Variants in PSMB7 observed in about 807,000 individuals in gnomAD.
PSMB7 encodes proteasome 20S subunit beta 7.
A neutral mutation model predicts 28.1 loss-of-function variants in PSMB7; 5 were observed. The ratio of observed to expected loss-of-function variants is 0.18; its 90% CI spans 0.09 to 0.37. The LOEUF is 0.37. PSMB7 is among the 10% of genes least tolerant of loss of function. PSMB7 has a pLI of 1.00. For missense variants in PSMB7, 275 were observed against 346.2 expected, an observed-to-expected ratio of 0.79 and a Z score of 1.63; for synonymous variants, 122 against 123.7, an observed-to-expected ratio of 0.99 and a Z score of 0.09.
intron 7 of PSMB7, among the ~76,000 whole-genome samples, chr9:124,353,944 T>G (rs1178620309): frequency 6.6e-6 from 1 of 151,922 alleles, no homozygotes; most frequent in African/African-American, 2.4e-5. Context: ...CACCTGGCCC[T>G]TGGTGGACAC....
intron 6 of PSMB7, among the ~76,000 whole-genome samples, chr9:124,377,877 A>C (rs1830629187): frequency 6.6e-6 from 1 of 152,234 alleles, no homozygotes; most frequent in South Asian, 2.1e-4. Flanking sequence ...GCATTGACTA[A>C]GCATGTGCTA....
At chr9:124,382,697 T>G (rs1830680647) in intron 6 of PSMB7, among the ~76,000 whole-genome samples, 1 of 152,228 alleles carries the variant, frequency 6.6e-6, no homozygotes, top group South Asian at 2.1e-4. Flanking sequence ...ACAACTGATC[T>G]AAGAAACATT....
intron 6 of PSMB7, among the ~76,000 whole-genome samples, chr9:124,363,897 C>T (rs779595784): frequency 6.6e-5 from 10 of 152,116 alleles, no homozygotes; most frequent in Admixed American, 4.6e-4. Flanking sequence ...AGCGGCTGCA[C>T]GGCCACAATG....
intron 7 of PSMB7, among the ~76,000 whole-genome samples, chr9:124,355,661 A>G (rs1379350899): frequency 6.6e-6 from 1 of 152,188 alleles, no homozygotes; most frequent in Non-Finnish European, 1.5e-5. Flanking sequence ...TTCCTGCTAA[A>G]GGCCCGAGGG....
chr9:124,396,960 G>C (rs1830849500), intron 5 of PSMB7: 1 of 375,248 alleles, frequency 2.7e-6, no homozygotes, highest in Admixed American at 3.6e-5. Context: ...AAAAAATCTT[G>C]CCTAGCTTTT....
intron 6 of PSMB7, among the ~76,000 whole-genome samples, chr9:124,376,854 C>T (rs1419478829): frequency 6.6e-6 from 1 of 152,168 alleles, no homozygotes; most frequent in East Asian, 1.9e-4. Context: ...GTTATTTGAC[C>T]TCCCTACGGC....
At chr9:124,395,322 CAA>C (rs1564683296) in intron 5 of PSMB7, among the ~76,000 whole-genome samples, 1 of 150,448 alleles carries the variant, frequency 6.6e-6, no homozygotes, top group South Asian at 2.1e-4. Context: ...CCGTCTCTAC[CAA>C]AAAAAGAAAG....
intron 5 of PSMB7, among the ~76,000 whole-genome samples, chr9:124,396,360 C>T (rs1830843708): frequency 6.6e-6 from 1 of 152,078 alleles, no homozygotes; most frequent in Non-Finnish European, 1.5e-5. Flanking sequence ...TGTACTTTAG[C>T]GTAACGATGG....
intron 4 of PSMB7, among the ~76,000 whole-genome samples, chr9:124,408,507 A>C (rs908112726): frequency 2.0e-5 from 3 of 152,206 alleles, no homozygotes; most frequent in Non-Finnish European, 4.4e-5. Flanking sequence ...AAATTATGAT[A>C]ATGATTAATG....
At chr9:124,370,193 T>C (rs983341369) in intron 6 of PSMB7, among the ~76,000 whole-genome samples, 2 of 151,466 alleles carry the variant, frequency 1.3e-5, no homozygotes, top group Non-Finnish European at 2.9e-5. Flanking sequence ...CCAGTTTTGA[T>C]GTGCCTTAGG....
intron 6 of PSMB7, among the ~76,000 whole-genome samples, chr9:124,369,335 T>A (rs1373942184): frequency 6.6e-6 from 1 of 152,116 alleles, no homozygotes; most frequent in Admixed American, 6.6e-5. Flanking sequence ...CTTCCTGAGG[T>A]ATGCTGCTGG....
In PSMB7 at chr9:124,386,836, A is replaced by T. The variant is rs1830725779; in HGVS notation, c.512-2180T>A. On this transcript the variant is annotated intron_variant, in intron 5 of 7. Coordinates refer to ENST00000259457, the MANE Select transcript of PSMB7 (RefSeq NM_002799.4). ...CCTTTCCTTGGCAGTTGCACAGTAA[A>T]TTTTTTTTTTTTTGCTCTATTCTTT... 1.3e-5 allele frequency among the ~76,000 whole-genome samples: 2 copies of T among 148,360 alleles called. 1 individual carries two copies. The highest frequency in any genetic ancestry group is 5.0e-5 in the African/African-American group (2 of 40,212).
intron 5 of PSMB7, among the ~76,000 whole-genome samples, chr9:124,387,744 G>T (rs1238555279): frequency 6.6e-6 from 1 of 152,170 alleles, no homozygotes; most frequent in Non-Finnish European, 1.5e-5. Flanking sequence ...CTGTCAACAG[G>T]TTTGTAGATA....
intron 4 of PSMB7, among the ~76,000 whole-genome samples, chr9:124,411,991 A>G (rs1037392273): frequency 3.9e-5 from 6 of 152,122 alleles, no homozygotes; most frequent in Non-Finnish European, 5.9e-5. Context: ...AGGAGAGACA[A>G]TCATTTGGGT....
At chr9:124,397,875 A>T (rs752138752) in intron 5 of PSMB7, among the ~76,000 whole-genome samples, 2 of 152,230 alleles carry the variant, frequency 1.3e-5, no homozygotes, top group Non-Finnish European at 2.9e-5. Context: ...GCATGAGTTA[A>T]AACAAAATCC....
At chr9:124,376,564 T>C (rs1830610912) in intron 6 of PSMB7, among the ~76,000 whole-genome samples, 1 of 152,246 alleles carries the variant, frequency 6.6e-6, no homozygotes. Context: ...TGCTTGGCTT[T>C]CTGCCGTCTT....
intron 6 of PSMB7, among the ~76,000 whole-genome samples, chr9:124,357,424 C>A (rs886757598): frequency 2.0e-5 from 3 of 152,196 alleles, no homozygotes; most frequent in Admixed American, 6.5e-5. Context: ...CCAACAATAG[C>A]TGAAAGTTAC....
intron 6 of PSMB7, among the ~76,000 whole-genome samples, chr9:124,366,756 C>T (rs917152468): frequency 1.3e-5 from 2 of 152,242 alleles, no homozygotes; most frequent in East Asian, 3.8e-4. Flanking sequence ...TATACATTTA[C>T]AGTACCTTTT....
At chr9:124,396,576 G>A (rs1478913569) in intron 5 of PSMB7, among the ~76,000 whole-genome samples, 1 of 152,178 alleles carries the variant, frequency 6.6e-6, no homozygotes, top group Non-Finnish European at 1.5e-5. Context: ...ATTCTACCTG[G>A]ATGGCCCTGG....
Sources: allele counts gnomAD v4.1 joint callset (sites outside exome capture counted in the v4.1 genomes callset), GRCh38; gene constraint gnomAD v4.1.1; transcripts MANE v1.5; gene names NCBI Gene and HGNC (gene_info 2026-07-23, HGNC 2026-07-21).